The following MAD1L1 variants were observed in gnomAD, a reference collection of about 807,000 sequenced individuals.
MAD1L1 encodes mitotic arrest deficient 1 like 1, also known as mitotic spindle assembly checkpoint protein MAD1.
In MAD1L1, 95 loss-of-function variants were observed where a neutral mutation model predicts 96.9. That is an observed-to-expected ratio of 0.98 (90% CI 0.83 to 1.16). The LOEUF (loss-of-function observed/expected upper bound fraction) is 1.16. Among genes scored for constraint, MAD1L1 ranks in the 50% most tolerant of loss-of-function variants. MAD1L1 has a pLI of 0.00. For missense variants in MAD1L1, 1,007 were observed against 954.4 expected, an observed-to-expected ratio of 1.06 and a Z score of -0.73; for synonymous variants, 473 against 396.6, an observed-to-expected ratio of 1.19 and a Z score of -2.29.
chr7:2,025,278 G>C (rs1184603635), intron 12 of MAD1L1, among the ~76,000 whole-genome samples: 2 of 152,148 alleles, frequency 1.3e-5, no homozygotes, highest in Non-Finnish European at 2.9e-5. Context: ...ACAATCAAAA[G>C]AGCTAGGGAA....
At chr7:2,220,808 A>G in intron 5 of MAD1L1, 1 of 1,397,654 alleles carries the variant, frequency 7.2e-7, no homozygotes, top group Non-Finnish European at 9.7e-7. Context: ...GGAGTCAACA[A>G]AGAAGAAAGG....
chr7:2,205,652 G>A (rs1054421259), intron 10 of MAD1L1, among the ~76,000 whole-genome samples: 1 of 152,150 alleles, frequency 6.6e-6, no homozygotes, highest in Non-Finnish European at 1.5e-5. Context: ...TCCCTCGGCT[G>A]GCTCTGCAAT....
chr7:2,034,915 G>GGGCT (rs1484379820), intron 12 of MAD1L1, among the ~76,000 whole-genome samples: 1 of 152,228 alleles, frequency 6.6e-6, no homozygotes, highest in Non-Finnish European at 1.5e-5. Context: ...CAGTCAAAGA[G>GGGCT]GGCTGCATGT....
intron 12 of MAD1L1, among the ~76,000 whole-genome samples, chr7:2,050,589 C>T (rs1198401547): frequency 6.6e-6 from 1 of 152,194 alleles, no homozygotes; most frequent in African/African-American, 2.4e-5. Context: ...CTGACTGAGG[C>T]CAGGGACCTC....
intron 14 of MAD1L1, among the ~76,000 whole-genome samples, chr7:2,000,891 A>G (rs1446295711): frequency 6.6e-6 from 1 of 152,152 alleles, no homozygotes; most frequent in African/African-American, 2.4e-5. Flanking sequence ...GCCGCTGGGC[A>G]GCTTCTTCCA....
chr7:1,877,603 T>C (rs1038170502), intron 18 of MAD1L1, among the ~76,000 whole-genome samples: 1 of 152,076 alleles, frequency 6.6e-6, no homozygotes, highest in Non-Finnish European at 1.5e-5. Flanking sequence ...TCAGTCTGAA[T>C]AAAAAAAGCA....
At chr7:1,988,636 C>T (rs554100492) in intron 14 of MAD1L1, among the ~76,000 whole-genome samples, 10 of 152,192 alleles carry the variant, frequency 6.6e-5, no homozygotes, top group Non-Finnish European at 1.2e-4. Flanking sequence ...GACCCGGCCG[C>T]GCTCCAGGGT....
intron 18 of MAD1L1, among the ~76,000 whole-genome samples, chr7:1,888,489 CATGT>C (rs1191443440): frequency 6.8e-5 from 10 of 147,838 alleles, no homozygotes; most frequent in East Asian, 4.2e-4. Flanking sequence ...TGTGTGCATG[CATGT>C]ATGTGGCTGC....
chr7:2,003,871 C>T (rs892899626), intron 13 of MAD1L1, among the ~76,000 whole-genome samples: 12 of 152,200 alleles, frequency 7.9e-5, no homozygotes, highest in Non-Finnish European at 1.5e-4. Flanking sequence ...GCACACTGCC[C>T]TCCTCACAGC....
chr7:1,912,818 C>A (rs1788105233), intron 17 of MAD1L1, among the ~76,000 whole-genome samples: 1 of 152,228 alleles, frequency 6.6e-6, no homozygotes, highest in Non-Finnish European at 1.5e-5. Context: ...TCATCTGTTT[C>A]CGGAAGCTTC....
intron 14 of MAD1L1, among the ~76,000 whole-genome samples, chr7:1,997,431 C>G (rs1479602990): frequency 6.6e-6 from 1 of 152,252 alleles, no homozygotes; most frequent in African/African-American, 2.4e-5. Flanking sequence ...AGCCCCTTCC[C>G]CAGACAGCAC....
intron 11 of MAD1L1, among the ~76,000 whole-genome samples, chr7:2,091,383 T>G (rs1259089691): frequency 6.6e-6 from 1 of 152,230 alleles, no homozygotes; most frequent in East Asian, 1.9e-4. Context: ...CGCATCTGCC[T>G]GCAGTTCCTT....
chr7:2,092,977 C>G (rs1040993576), intron 11 of MAD1L1, among the ~76,000 whole-genome samples: 15 of 151,966 alleles, frequency 9.9e-5, no homozygotes, highest in African/African-American at 3.6e-4. Flanking sequence ...GTGGCTCACA[C>G]CTGTAATCCC....
chr7:2,148,750 C>T (rs973127369), intron 11 of MAD1L1: 5 of 225,702 alleles, frequency 2.2e-5, no homozygotes, highest in Non-Finnish European at 3.5e-5. Flanking sequence ...CTTCCAATCA[C>T]GCCTGCATTC....
chr7:1,916,883 C>T (rs914769354), intron 17 of MAD1L1, among the ~76,000 whole-genome samples: 8 of 152,014 alleles, frequency 5.3e-5, no homozygotes, highest in East Asian at 1.9e-4. Context: ...CAGCGAGAAG[C>T]GAGACCAGGG....
intron 12 of MAD1L1, among the ~76,000 whole-genome samples, chr7:2,040,976 C>T (rs750591103): frequency 3.3e-5 from 5 of 152,226 alleles, no homozygotes; most frequent in Non-Finnish European, 4.4e-5. Flanking sequence ...TTCACAATCA[C>T]GTGTGTCTCT....
intron 18 of MAD1L1, among the ~76,000 whole-genome samples, chr7:1,839,617 T>C (rs1348931860): frequency 6.6e-6 from 1 of 152,184 alleles, no homozygotes; most frequent in Non-Finnish European, 1.5e-5. Context: ...AGTAACTTTC[T>C]AACAGTTTAA....
At chr7:2,022,968 G>A (rs1219213578) in intron 12 of MAD1L1, among the ~76,000 whole-genome samples, 2 of 152,308 alleles carry the variant, frequency 1.3e-5, no homozygotes, top group East Asian at 1.9e-4. Context: ...CGATAAAAAG[G>A]TCATTTCTCC....
intron 12 of MAD1L1, among the ~76,000 whole-genome samples, chr7:2,059,447 C>A (rs1784536826): frequency 7.1e-6 from 1 of 141,210 alleles, no homozygotes; most frequent in South Asian, 2.3e-4. Flanking sequence ...GGCAGCGTGG[C>A]CAGAGGAGAG....
Sources: allele counts gnomAD v4.1 joint callset (sites outside exome capture counted in the v4.1 genomes callset), GRCh38; gene constraint gnomAD v4.1.1; transcripts MANE v1.5; gene names NCBI Gene and HGNC (gene_info 2026-07-23, HGNC 2026-07-21).